The following PDZD2 variants were observed in gnomAD, a reference collection of about 807,000 sequenced individuals.
PDZD2 encodes the protein PDZ domain containing 2.
A neutral mutation model predicts 220.7 loss-of-function variants in PDZD2; 90 were observed. The observed-to-expected ratio is 0.41, with a 90% CI of 0.34 to 0.49. The LOEUF (loss-of-function observed/expected upper bound fraction) is 0.49, where lower values mean the gene tolerates loss of function less well. Ranked by LOEUF, PDZD2 falls within the 20% of genes least tolerant of loss-of-function variation. The pLI, the probability that PDZD2 is intolerant of heterozygous loss-of-function variation, is 0.28. For missense variants in PDZD2, 3,174 were observed against 3,608.5 expected (o/e 0.88, Z 3.08); for synonymous variants, 1,375 against 1,450.5 (o/e 0.95, Z 1.18).
At chr5:31,797,470 G>A (rs962399674) in intron 1 of PDZD2, among the ~76,000 whole-genome samples, 24 of 151,580 alleles carry the variant, frequency 1.6e-4, no homozygotes, top group African/African-American at 5.8e-4. Flanking sequence ...ACACGCCTGG[G>A]ATTACAGGCG....
At chr5:31,822,812 A>T in intron 2 of PDZD2, 2 of 873,902 alleles carry the variant, frequency 2.3e-6, no homozygotes, top group Non-Finnish European at 3.7e-6. Flanking sequence ...ACAGAAGACC[A>T]ATTCTCCTGG....
chr5:31,794,201 A>G (rs1753877211), intron 1 of PDZD2, among the ~76,000 whole-genome samples: 1 of 152,078 alleles, frequency 6.6e-6, no homozygotes, highest in Non-Finnish European at 1.5e-5. Context: ...CATAGTTACC[A>G]TCACAGTACT....
chr5:31,740,429 G>T (rs1015290023), intron 1 of PDZD2, among the ~76,000 whole-genome samples: 7 of 149,500 alleles, frequency 4.7e-5, no homozygotes, highest in African/African-American at 1.7e-4. Flanking sequence ...GGAGGCTGAG[G>T]CATGAGAATG....
At chr5:31,784,375 G>A (rs1028875775) in intron 1 of PDZD2, among the ~76,000 whole-genome samples, 2 of 152,196 alleles carry the variant, frequency 1.3e-5, no homozygotes, top group Non-Finnish European at 1.5e-5. Context: ...AACATACAGG[G>A]TTGGATAGCC....
chr5:31,697,616 T>C (rs1355583496), intron 1 of PDZD2, among the ~76,000 whole-genome samples: 1 of 152,192 alleles, frequency 6.6e-6, no homozygotes, highest in Non-Finnish European at 1.5e-5. Flanking sequence ...CAGAAAATAG[T>C]GATTTCCAAA....
At chr5:32,077,282 G>A (rs1236465967) in intron 18 of PDZD2, among the ~76,000 whole-genome samples, 180 bp from the exon 19 acceptor site, 3 of 152,178 alleles carry the variant, frequency 2.0e-5, no homozygotes, top group Admixed American at 1.3e-4. Flanking sequence ...GCTTGGGGAA[G>A]AATGATATGA....
chr5:31,989,429 T>TTTTTTTTTTTTTTTTATTTATTTATTTTA (rs1561278009), intron 3 of PDZD2, among the ~76,000 whole-genome samples: 9 of 147,800 alleles, frequency 6.1e-5, no homozygotes, highest in African/African-American at 2.0e-4. Flanking sequence ...TTCTTTTTTT[T>TTTTTTTTTTTTTTTTATTTATTTATTTTA]TTTTTTTTTT....
intron 2 of PDZD2, chr5:31,923,626 G>C: frequency 1.4e-6 from 1 of 721,736 alleles, no homozygotes; most frequent in African/African-American, 1.7e-5. Flanking sequence ...ACATCATTCA[G>C]TCACTAGTTG....
rs1004860303 is a variant in PDZD2 at position 31,890,001 on chromosome 5, C to G, written c.476+90277C>G. Among the ~76,000 whole-genome samples, 5 of 151,852 alleles carry G rather than the reference C, an allele frequency of 3.3e-5. No individual in the cohort carries two copies. In the East Asian group the frequency reaches 9.7e-4, roughly 30 times the overall value. ...TAGTGTCACTGCACTCCAGCCTGGG[C>G]GACAGAGTGAGACACTGTCCCCCCT... is the stretch of plus-strand genomic sequence containing the variant. On this transcript the variant is annotated intron_variant, in intron 2 of 24. Transcript: ENST00000438447.
Position 32,090,067 on chromosome 5 carries a change from T to G in PDZD2, c.6619T>G (p.Ser2207Ala), listed in dbSNP as rs1227455365. The G allele has an allele frequency of 6.2e-7, 1 of 1,613,566 alleles. No individual in the cohort carries two copies. Among genetic ancestry groups the G allele is most frequent in the Admixed American group, 1.7e-5 (1 of 59,996 alleles). Residue 2207 changes from serine (S) to alanine (A), a missense_variant, in exon 20 of 25, where the codon TCG (serine) becomes GCG (alanine). Transcript: ENST00000438447. The surrounding 1 kb of genome is among the most constrained non-coding windows in gnomAD (Gnocchi z 4.3). ...CAGAAACAGCATTCCAGGGGGCCCC[T>G]CGGGGGAGGACCATCTCTACTTCAC... ...VPRNSIPGGP[S>A]GEDHLYFTPR...
intron 1 of PDZD2, among the ~76,000 whole-genome samples, chr5:31,774,381 A>G (rs1752511734): frequency 6.6e-6 from 1 of 151,730 alleles, no homozygotes; most frequent in East Asian, 1.9e-4. Flanking sequence ...CAGAGAATAC[A>G]GGTTCACTGT....
chr5:31,947,755 T>C (rs550083805), intron 2 of PDZD2, among the ~76,000 whole-genome samples: 2 of 152,230 alleles, frequency 1.3e-5, no homozygotes, highest in African/African-American at 4.8e-5. Context: ...AGGTGGAGGT[T>C]GCAGTGAGCC....
Position 32,074,345 on chromosome 5 carries a change from G to A in PDZD2, c.3239G>A (p.Gly1080Glu), listed in dbSNP as rs761186840. 24 of 1,614,088 alleles carry A rather than the reference G, an allele frequency of 1.5e-5. No homozygotes were observed. Among genetic ancestry groups the A allele is most frequent in the Admixed American group, 1.0e-4 (6 of 59,988 alleles). The change falls in exon 18 of 25, where the codon GGA becomes GAA. Residue 1080 changes from glycine to glutamate, a missense_variant. Physicochemically the swap from Gly to Glu is moderately conservative, Grantham distance 98 (BLOSUM62 -2). This residue lies in a region of PDZD2 where 1,861 missense variants were observed against 2,001.0 expected (regional missense o/e 0.93). Transcript: ENST00000438447. ...AGCTGGTGGAAGAAGGAACTGTCAG[G>A]ATCAAGTAGCGCACCCAAATTGGAA... ...PGSWWKKELS[G>E]SSSAPKLEYT...
chr5:32,062,568 A>G (rs1581402827), intron 14 of PDZD2, among the ~76,000 whole-genome samples: 3 of 151,710 alleles, frequency 2.0e-5, no homozygotes, highest in Non-Finnish European at 4.4e-5. Flanking sequence ...TAATTTTTAC[A>G]TTTTTGGTAG....
At chr5:31,850,195 TATATATAA>T (rs1757949546) in intron 2 of PDZD2, among the ~76,000 whole-genome samples, 1 of 131,096 alleles carries the variant, frequency 7.6e-6, no homozygotes, top group Non-Finnish European at 1.6e-5. Flanking sequence ...AGTATATATG[TATATATAA>T]GTATATATGT....
At chr5:31,968,900 G>A (rs75876911) in intron 2 of PDZD2, among the ~76,000 whole-genome samples, 3,214 of 152,226 alleles carry the variant, frequency 0.021, 115 homozygotes, top group African/African-American at 0.075. Flanking sequence ...AGATAAAAAC[G>A]AAAACATGTC....
At chr5:31,685,386 G>A (rs1039779557) in intron 1 of PDZD2, among the ~76,000 whole-genome samples, 1 of 152,078 alleles carries the variant, frequency 6.6e-6, no homozygotes, top group African/African-American at 2.4e-5. Context: ...AAAGAACTTT[G>A]TAATATGGAA....
chr5:31,773,179 C>T (rs1193854205), intron 1 of PDZD2, among the ~76,000 whole-genome samples: 2 of 152,182 alleles, frequency 1.3e-5, no homozygotes, highest in East Asian at 1.9e-4. Flanking sequence ...ATTTACTTTC[C>T]TGCAGAGACC....
At chr5:31,911,220 G>T (rs1743174883) in intron 2 of PDZD2, among the ~76,000 whole-genome samples, 1 of 152,114 alleles carries the variant, frequency 6.6e-6, no homozygotes, top group African/African-American at 2.4e-5. Context: ...AACAACTGCT[G>T]GTCACTAGGC....
Sources: gnomAD v4.1 joint callset for allele counts (sites outside exome capture counted in the v4.1 genomes callset) on GRCh38, gnomAD v4.1.1 for gene constraint, gnomAD v4.1.1 regional missense constraint, Gnocchi (gnomAD v3.1) non-coding constraint, MANE v1.5 for transcripts, NCBI Gene and HGNC (gene_info 2026-07-23, HGNC 2026-07-21) for gene names.